ASH2L: variants seen among roughly 807,000 people sequenced by gnomAD.
The protein encoded by ASH2L is set1/Ash2 histone methyltransferase complex subunit ASH2.
In ASH2L, 30 loss-of-function variants were observed where a neutral mutation model predicts 81.1. The ratio of observed to expected loss-of-function variants is 0.37; its 90% CI spans 0.28 to 0.50. The LOEUF (loss-of-function observed/expected upper bound fraction) is 0.50, where lower values mean the gene tolerates loss of function less well. Among genes scored for constraint, ASH2L ranks in the 20% least tolerant of loss-of-function variants. The pLI is 0.95. For synonymous variants in ASH2L, 273 were observed against 279.9 expected (o/e 0.98, Z 0.24); for missense variants, 559 against 792.1 (o/e 0.71, Z 3.53).
At chr8:38,106,505 T>TA in intron 2 of ASH2L, 61 bp downstream of exon 2, 68 of 1,258,266 alleles carry the variant, frequency 5.4e-5, no homozygotes, top group Non-Finnish European at 7.3e-5. Flanking sequence ...TTCTTCTTCT[T>TA]CTTTTTTTTT....
chr8:38,121,807 A>G lies in ASH2L; in HGVS notation c.1165+658A>G, dbSNP rs374519059. 3.3e-5 allele frequency among the ~76,000 whole-genome samples: 5 copies of G among 152,314 alleles called. No homozygotes were observed. The East Asian group carries it at 7.7e-4, about 23-fold the overall frequency. On this transcript the variant is annotated intron_variant, in intron 10 of 15. Transcript: ENST00000343823. Reference sequence around the variant, plus strand: ...ATAGCATCATCTCATGGGATTCATGATGTCAGTAGGTCTTATTGGTTACGT... The same window carrying G: ...ATAGCATCATCTCATGGGATTCATGGTGTCAGTAGGTCTTATTGGTTACGT...
intron 7 of ASH2L, 60 bp downstream of exon 7, chr8:38,115,060 A>G (rs1031852628): frequency 4.0e-5 from 45 of 1,122,294 alleles, no homozygotes; most frequent in Non-Finnish European, 5.3e-5. Flanking sequence ...ATAGGTAATC[A>G]GGTTCTGTTT....
At position 38,107,868 on chromosome 8, in the gene ASH2L, ATGTGTGTGTGTG is replaced by A. The variant is rs10542885; in HGVS notation, c.401+728_401+739del. Among the ~76,000 whole-genome samples the A allele has an allele frequency of 8.8e-3, 1,246 of 141,502 alleles. 6 individuals are homozygous for A. The highest frequency in any genetic ancestry group is 0.019 in the East Asian group (94 of 4,952). 92.8% of individuals were successfully genotyped at this position (141,502 alleles called of 152,430 possible). On this transcript the variant is annotated intron_variant, in intron 3 of 15. Coordinates refer to ENST00000343823, the MANE Select transcript of ASH2L (RefSeq NM_004674.5). ...GGTGAGATTGTGAAGAAATACATATATGTGTGTGTGTGTGTGTGTGTGTGTGTGTGTGTGTGT... is the reference window on the plus strand; with the variant it reads ...GGTGAGATTGTGAAGAAATACATATATGTGTGTGTGTGTGTGTGTGTGTGT...
intron 10 of ASH2L, among the ~76,000 whole-genome samples, chr8:38,126,216 CAAAA>C (rs1801839562): frequency 6.7e-6 from 1 of 148,662 alleles, no homozygotes; most frequent in African/African-American, 2.5e-5. Context: ...AAAAAAAAAA[CAAAA>C]GAAAACACCA....
rs952824843 is a variant in ASH2L, at chr8:38,108,058, C to G, written c.401+892C>G. 1.2e-4 allele frequency among the ~76,000 whole-genome samples: 18 copies of G among 152,212 alleles called. No homozygotes were observed. In the East Asian group the frequency reaches 3.3e-3, roughly 28 times the overall value. On this transcript the variant is annotated intron_variant, in intron 3 of 15. Coordinates refer to ENST00000343823, the MANE Select transcript of ASH2L (RefSeq NM_004674.5). The stretch of plus-strand genomic sequence containing the variant: ...CAAGGGATCCTCCTGCCTCACCCTT[C>G]CAAAGTGTTGGGATTACTGGCATGA...
Position 38,139,169 on chromosome 8 carries a change from A to G in ASH2L, c.*98A>G, listed in dbSNP as rs1292989251. On this transcript the variant is annotated 3_prime_UTR_variant, in exon 16 of 16. Coordinates refer to ENST00000343823, the MANE Select transcript of ASH2L (RefSeq NM_004674.5). ...TCAAATGTTCTCCCAAAGATGCTAAAAACACAGCCTCTCCTTTTAGCAAGT... is the reference window on the plus strand; with the variant it reads ...TCAAATGTTCTCCCAAAGATGCTAAGAACACAGCCTCTCCTTTTAGCAAGT... 2 of 954,510 alleles carry G rather than the reference A, an allele frequency of 2.1e-6. No individual in the cohort carries two copies. Among genetic ancestry groups the G allele is most frequent in the Non-Finnish European group, 3.1e-6 (2 of 655,248 alleles). The allele number at this position is 954,510 out of a possible 1,614,324, so 59.1% of individuals were successfully genotyped here.
At chr8:38,108,694 G>A (rs369130099) in intron 3 of ASH2L, among the ~76,000 whole-genome samples, 13 of 152,018 alleles carry the variant, frequency 8.6e-5, no homozygotes, top group African/African-American at 2.9e-4. Flanking sequence ...AGTGGTGCGT[G>A]CCTGTAGTCC....
intron 7 of ASH2L, among the ~76,000 whole-genome samples, 165 bp from the exon 8 acceptor site, chr8:38,116,485 A>G (rs182660094): frequency 4.6e-5 from 7 of 152,246 alleles, no homozygotes; most frequent in Admixed American, 4.6e-4. Flanking sequence ...GTAAGCCGAG[A>G]TCGCGCCACT....
Position 38,115,524 on chromosome 8 carries a change from C to T in ASH2L, c.777+524C>T, listed in dbSNP as rs146316383. Among the ~76,000 whole-genome samples, 277 of 152,226 alleles carry T rather than the reference C, an allele frequency of 1.8e-3. 1 individual carries two copies. Among genetic ancestry groups the T allele is most frequent in the Non-Finnish European group, 2.6e-3 (174 of 68,028 alleles). On this transcript the variant is annotated intron_variant, in intron 7 of 15. Coordinates refer to ENST00000343823, the MANE Select transcript of ASH2L (RefSeq NM_004674.5). ...AGCTTTGAAAATGCAAGATTCAGCC[C>T]GGTGCAGTGGCTCATGCCTGTAATC... is the stretch of plus-strand genomic sequence containing the variant.
At chr8:38,135,787 CA>C in intron 14 of ASH2L, 21 bp downstream of exon 14, 1 of 1,559,112 alleles carries the variant, frequency 6.4e-7, no homozygotes, top group Non-Finnish European at 8.7e-7. Flanking sequence ...GTTTCCATCC[CA>C]TGAGCAAAAC....
At chr8:38,119,063 T>C in intron 8 of ASH2L, 2 of 481,680 alleles carry the variant, frequency 4.2e-6, no homozygotes, top group African/African-American at 2.1e-5. Flanking sequence ...TTCATTTGAG[T>C]TTATTGCCAG....
intron 10 of ASH2L, among the ~76,000 whole-genome samples, chr8:38,122,847 G>A (rs572025628): frequency 1.3e-5 from 2 of 152,154 alleles, no homozygotes; most frequent in African/African-American, 4.8e-5. Context: ...GGGCTCAAAC[G>A]ATCCTCCTGC....
chr8:38,114,517 G>A (rs577956336), intron 6 of ASH2L, among the ~76,000 whole-genome samples: 2 of 152,042 alleles, frequency 1.3e-5, no homozygotes, highest in Non-Finnish European at 2.9e-5. Context: ...TTTATGTATT[G>A]AAACTTGTCC....
chr8:38,107,143 T>C lies in ASH2L; in HGVS notation c.378T>C (p.Ala126=), dbSNP rs768624623. Residue 126 remains alanine, a synonymous_variant, in exon 3 of 16, where the codon GCT becomes GCC. Coordinates refer to ENST00000343823, the MANE Select transcript of ASH2L (RefSeq NM_004674.5). ...QCGICTKWFT[A]DTFGIDTSSC... is the part of the protein sequence containing the mutation. ...GGATTTGTACAAAATGGTTCACGGC[T>C]GACACATTTGGCATAGATACCTCGT... The C allele has an allele frequency of 5.6e-6, 9 of 1,614,058 alleles. No homozygotes were observed. In the South Asian group the frequency reaches 6.6e-5, roughly 12 times the overall value.
chr8:38,116,588 T>C (rs1191471753), intron 7 of ASH2L, 62 bp from the exon 8 acceptor site: 3 of 1,289,334 alleles, frequency 2.3e-6, no homozygotes, highest in Non-Finnish European at 3.3e-6. Context: ...TCTCTTGTTT[T>C]ATGAGCATCC....
At chr8:38,105,781 C>T (rs770199251) in intron 1 of ASH2L, 43 bp downstream of exon 1, 1 of 1,497,136 alleles carries the variant, frequency 6.7e-7, no homozygotes, top group African/African-American at 1.4e-5. Context: ...GAGGGAGGCC[C>T]GCCCCTCGCG....
At chr8:38,114,139 T>G in intron 5 of ASH2L, 53 bp from the exon 6 acceptor site, 1 of 1,083,720 alleles carries the variant, frequency 9.2e-7, no homozygotes, top group Non-Finnish European at 1.3e-6. Context: ...TCTTTCTTTG[T>G]CAGCATATCT....
intron 2 of ASH2L, 138 bp from the exon 3 acceptor site, chr8:38,106,883 C>A: frequency 1.0e-6 from 1 of 994,260 alleles, no homozygotes. Flanking sequence ...GTAATCCCAG[C>A]ACTTTGGGAG....
At chr8:38,108,497 T>G (rs915885651) in intron 3 of ASH2L, among the ~76,000 whole-genome samples, 3 of 143,710 alleles carry the variant, frequency 2.1e-5, no homozygotes, top group African/African-American at 5.3e-5. Flanking sequence ...TCCAGTTAGA[T>G]CCTATCAGTG....
Sources: allele counts gnomAD v4.1 joint callset (sites outside exome capture counted in the v4.1 genomes callset), GRCh38; gene constraint gnomAD v4.1.1; transcripts MANE v1.5; gene names NCBI Gene and HGNC (gene_info 2026-07-23, HGNC 2026-07-21).